FAM186A: variants seen among roughly 807,000 people sequenced by gnomAD.
FAM186A encodes the protein family with sequence similarity 186 member A, also known as protein FAM186A.
In FAM186A, 163 loss-of-function variants were observed where a neutral mutation model predicts 216.8. That is an observed-to-expected ratio of 0.75 (90% CI 0.66 to 0.86). The LOEUF (loss-of-function observed/expected upper bound fraction) is 0.86, where lower values mean the gene tolerates loss of function less well. FAM186A is among the 40% of genes least tolerant of loss of function. The pLI is 0.00. For synonymous variants in FAM186A, 805 were observed against 1,025.3 expected (o/e 0.79, Z 4.10); for missense variants, 2,184 against 2,746.2 (o/e 0.80, Z 4.58).
At chr12:50,338,716 G>C (rs1207703654) in intron 4 of FAM186A, among the ~76,000 whole-genome samples, 1 of 151,752 alleles carries the variant, frequency 6.6e-6, no homozygotes, top group Admixed American at 6.6e-5. Context: ...ATAGACTTTG[G>C]AAATGGATTT....
At position 50,351,127 on chromosome 12, in the gene FAM186A, G is replaced by C; in HGVS notation, c.5705C>G (p.Ala1902Gly). The C allele has an allele frequency of 1.9e-6, 3 of 1,551,602 alleles. No individual in the cohort carries two copies. Among genetic ancestry groups the C allele is most frequent in the Non-Finnish European group, 2.6e-6 (3 of 1,146,976 alleles). ...CAGATGCTGCCCAGGGGTAGAAGGA[G>C]CCTGCAGATAGGGAGATTGCTCAGC... is the stretch of plus-strand genomic sequence containing the variant. ...ATAEQSPYLQAPSTPGQHLAT... is the reference protein window; with the variant it reads ...ATAEQSPYLQGPSTPGQHLAT... The change falls in exon 4 of 8, where the codon GCT becomes GGT. Residue 1902 changes from alanine to glycine, a missense_variant. Physicochemically the swap from Ala to Gly is moderately conservative, Grantham distance 60. Transcript: ENST00000327337.
chr12:50,364,483 G>A (rs188684196), intron 1 of FAM186A, among the ~76,000 whole-genome samples: 2,726 of 151,862 alleles, frequency 0.018, 82 homozygotes, highest in African/African-American at 0.061. Flanking sequence ...GCATGAACCC[G>A]GGAGGTGGAG....
rs1296541774 is a variant in FAM186A at position 50,375,727 on chromosome 12, AGAAAAAG to A, written c.193-12370_193-12364del. 5.5e-5 allele frequency among the ~76,000 whole-genome samples: 7 copies of A among 126,754 alleles called. No individual in the cohort carries two copies. The East Asian group carries it at 1.2e-3, about 21-fold the overall frequency. The allele number at this position is 126,754 out of a possible 152,430, so 83.2% of individuals were successfully genotyped here. ...GGGAGACTCCATCTCAAAAAAAAAAAGAAAAAGAAAAAGAAAAAGAAATTGAAATTTA... is the reference window on the plus strand; with the variant it reads ...GGGAGACTCCATCTCAAAAAAAAAAAAAAAAGAAAAAGAAATTGAAATTTA... On this transcript the variant is annotated intron_variant, in intron 1 of 7. Transcript: ENST00000327337.
rs1942966525 is a variant in FAM186A at position 50,355,560 on chromosome 12, A to G, written c.1272T>C (p.Pro424=). The G allele has an allele frequency of 1.3e-6, 2 of 1,551,482 alleles. No homozygotes were observed. Among genetic ancestry groups the G allele is most frequent in the African/African-American group, 1.4e-5 (1 of 73,052 alleles). ...TPDLTELRQQ[P]VASEDISEDS... ...CTTCGGAAATATCTTCAGAAGCAACAGGTTGCTGTCGTAGTTCAGTTAAAT... is the reference window on the plus strand; with the variant it reads ...CTTCGGAAATATCTTCAGAAGCAACGGGTTGCTGTCGTAGTTCAGTTAAAT... Residue 424 remains proline (P), a synonymous_variant, in exon 4 of 8, where the codon CCT becomes CCC. Coordinates refer to ENST00000327337, the MANE Select transcript of FAM186A (RefSeq NM_001145475.3).
chr12:50,350,601 C>T lies in FAM186A; in HGVS notation c.6231G>A (p.Trp2077Ter). The T allele has an allele frequency of 1.3e-6, 2 of 1,551,542 alleles. No homozygotes were observed. Among genetic ancestry groups the T allele is most frequent in the East Asian group, 4.9e-5 (2 of 40,918 alleles). ...TGGTATCTGAAACTGAACTCAGTAT[C>T]CAGGGCTTGTCTATAGGAGGGAATC... Reference protein sequence around the residue: ...KSRFPPIDKPWILSSVSDTKK... With the variant: ...KSRFPPIDKP Residue 2077 changes from tryptophan to a stop codon, truncating the protein, a stop_gained, in exon 4 of 8, where the codon TGG (tryptophan) becomes TGA (stop). Coordinates refer to ENST00000327337, the MANE Select transcript of FAM186A (RefSeq NM_001145475.3). LOFTEE classifies it high-confidence loss of function.
In FAM186A at chr12:50,351,776, T is replaced by C; in HGVS notation, c.5056A>G (p.Lys1686Glu). ...NLEQAQEQLL[K>E]LGVPLTLDKA... is the part of the protein sequence containing the mutation. ...TCTAAGGTGAGAGGAACCCCTAACT[T>C]CAATAACTGTTCTTGAGCCTGTTCT... The change falls in exon 4 of 8, where the codon AAG becomes GAG. Residue 1686 changes from lysine (K) to glutamate (E), a missense_variant. Lys to Glu is a moderately conservative substitution (Grantham distance 56). Around this residue, in one of 7 missense-constraint regions of FAM186A, gnomAD observed 721 missense variants for 816.4 expected, o/e 0.88. Coordinates refer to ENST00000327337, the MANE Select transcript of FAM186A (RefSeq NM_001145475.3). 6.4e-7 allele frequency: 1 copy of C among 1,550,800 alleles called. No homozygotes were observed. The highest frequency in any genetic ancestry group is 8.7e-7 in the Non-Finnish European group (1 of 1,146,518).
intron 1 of FAM186A, among the ~76,000 whole-genome samples, chr12:50,374,311 G>T (rs189680764): frequency 2.9e-4 from 43 of 147,706 alleles, no homozygotes; most frequent in Middle Eastern, 3.5e-3. Flanking sequence ...TAATAATAAA[G>T]AAAGAAAGAA....
At position 50,354,368 on chromosome 12, in the gene FAM186A, T is replaced by A. The variant is rs139526891; in HGVS notation, c.2464A>T (p.Arg822Trp). Residue 822 changes from arginine to tryptophan, a missense_variant, in exon 4 of 8, where the codon AGG becomes TGG. By Grantham distance (101) the Arg-to-Trp change is moderately radical. Transcript: ENST00000327337. ...CCCTCTTGCAAATATTGCTCCTGCC[T>A]TTGTTTTTCCTTCTCCTTGTGGTCT... The part of the protein sequence containing the change: ...QKDHKEKEKQ[R>W]QEQYLQEGQE... The A allele has an allele frequency of 9.7e-6, 15 of 1,551,600 alleles. No homozygotes were observed. The African/African-American group carries it at 2.1e-4, about 21-fold the overall frequency.
rs901231645 is a variant in FAM186A, at chr12:50,351,610, G to T, written c.5222C>A (p.Ala1741Glu). The T allele has an allele frequency of 6.4e-7, 1 of 1,551,418 alleles. No homozygotes were observed. The highest frequency in any genetic ancestry group is 8.7e-7 in the Non-Finnish European group (1 of 1,146,866). ...CTTCTCAGCAGTAGGAGCTGATGAT[G>T]CCAGGGACAGCCTAAGACTTGGAGA... ...RLSPSLRLSLASSAPTAEKSS... is the reference protein window; with the variant it reads ...RLSPSLRLSLESSAPTAEKSS... The change falls in exon 4 of 8, where the codon GCA becomes GAA. Residue 1741 changes from alanine (A) to glutamate (E), a missense_variant. Coordinates refer to ENST00000327337, the MANE Select transcript of FAM186A (RefSeq NM_001145475.3).
At chr12:50,336,127 A>G (rs1942706002) in intron 4 of FAM186A, among the ~76,000 whole-genome samples, 1 of 150,726 alleles carries the variant, frequency 6.6e-6, no homozygotes, top group South Asian at 2.1e-4. Context: ...TCCATCTCAA[A>G]AAAAAAAAAA....
intron 4 of FAM186A, among the ~76,000 whole-genome samples, chr12:50,341,624 C>G (rs892433685): frequency 3.3e-5 from 5 of 152,090 alleles, no homozygotes; most frequent in African/African-American, 4.8e-5. Flanking sequence ...ATCACGAGGT[C>G]AGGAGTTCGA....
intron 3 of FAM186A, among the ~76,000 whole-genome samples, chr12:50,359,261 G>A (rs1943008720): frequency 6.6e-6 from 1 of 152,024 alleles, no homozygotes; most frequent in African/African-American, 2.4e-5. Flanking sequence ...AGCAGGGCGT[G>A]GTGACACGTG....
At chr12:50,332,738 A>T (rs754846202) in intron 5 of FAM186A, among the ~76,000 whole-genome samples, 17 of 152,036 alleles carry the variant, frequency 1.1e-4, no homozygotes, top group Non-Finnish European at 2.2e-4. Context: ...TTAAAATATA[A>T]CTGTTCTGGG....
chr12:50,357,358 C>T (rs1321723650), intron 3 of FAM186A, among the ~76,000 whole-genome samples: 1 of 151,892 alleles, frequency 6.6e-6, no homozygotes, highest in Non-Finnish European at 1.5e-5. Flanking sequence ...AAAAATTAGC[C>T]AGGCGTGGTG....
chr12:50,351,735 C>CCTTAAGCA lies in FAM186A; in HGVS notation c.5096_5097insTGCTTAAG (p.Leu1699PhefsTer3). The CCTTAAGCA allele has an allele frequency of 6.4e-7, 1 of 1,551,320 alleles. No homozygotes were observed. The highest frequency in any genetic ancestry group is 8.7e-7 in the Non-Finnish European group (1 of 1,146,842). On this transcript the variant is annotated stop_gained and frameshift_variant, in exon 4 of 8. Coordinates refer to ENST00000327337, the MANE Select transcript of FAM186A (RefSeq NM_001145475.3). LOFTEE classifies it high-confidence loss of function. ...CTTGCTTAAGGGTGAGGGGCGATCC[C>CCTTAAGCA]AAGGTATGGGCTTTATCTAAGGTGA...
chr12:50,343,074 C>T lies in FAM186A; in HGVS notation c.6503+7255G>A, dbSNP rs1052167987. Among the ~76,000 whole-genome samples, 15 of 151,910 alleles carry T rather than the reference C, an allele frequency of 9.9e-5. No homozygotes were observed. The South Asian group carries it at 3.1e-3, about 32-fold the overall frequency. ...AGACCAGCCTGGGCAACAGGAGACC[C>T]TATCTTTACAAAAAGTTTAAAAATT... On this transcript the variant is annotated intron_variant, in intron 4 of 7. Coordinates refer to ENST00000327337, the MANE Select transcript of FAM186A (RefSeq NM_001145475.3).
chr12:50,391,315 TA>T (rs1943354952), intron 1 of FAM186A, among the ~76,000 whole-genome samples: 1 of 150,654 alleles, frequency 6.6e-6, no homozygotes, highest in Non-Finnish European at 1.5e-5. Flanking sequence ...TTTTATTTTT[TA>T]TTTTTTATAT....
intron 1 of FAM186A, among the ~76,000 whole-genome samples, chr12:50,373,512 A>G (rs1014829258): frequency 6.6e-6 from 1 of 152,238 alleles, no homozygotes; most frequent in Non-Finnish European, 1.5e-5. Flanking sequence ...CCCTGATATC[A>G]AAATCAGACA....
chr12:50,350,501 C>A lies in FAM186A; in HGVS notation c.6331G>T (p.Ala2111Ser). 2 of 1,551,594 alleles carry A rather than the reference C, an allele frequency of 1.3e-6. No individual in the cohort carries two copies. The highest frequency in any genetic ancestry group is 1.7e-6 in the Non-Finnish European group (2 of 1,146,990). ...AATAGTATCAGGTTCTTCTTCTGAG[C>A]CTCCACATCAACAAAATACCTCTTT... ...EEKRYFVDVEAQKKNLILLNQ... is the reference protein window; with the variant it reads ...EEKRYFVDVESQKKNLILLNQ... Residue 2111 changes from alanine to serine, a missense_variant, in exon 4 of 8, where the codon GCT becomes TCT. This residue lies in a region of FAM186A where 721 missense variants were observed against 816.4 expected (regional missense o/e 0.88). Transcript: ENST00000327337.
Sources: allele counts gnomAD v4.1 joint callset (sites outside exome capture counted in the v4.1 genomes callset), GRCh38; gene constraint gnomAD v4.1.1; regional missense constraint gnomAD v4.1.1; transcripts MANE v1.5; gene names NCBI Gene and HGNC (gene_info 2026-07-23, HGNC 2026-07-21).